The following ALDH1A2 variants were observed in gnomAD, a reference collection of about 807,000 sequenced individuals.
The protein encoded by ALDH1A2 is aldehyde dehydrogenase 1 family member A2, also known as retinal dehydrogenase 2.
Under a neutral mutation model 60.3 loss-of-function variants are expected in ALDH1A2, and 27 were observed. That is an observed-to-expected ratio of 0.45 (90% CI 0.33 to 0.62). ALDH1A2 has a LOEUF of 0.62. Among genes scored for constraint, ALDH1A2 ranks in the 20% least tolerant of loss-of-function variants. ALDH1A2 has a pLI of 0.02. For missense variants in ALDH1A2, 581 were observed against 643.8 expected (o/e 0.90, Z 1.06); for synonymous variants, 289 against 232.4 (o/e 1.24, Z -2.21).
chr15:57,958,620 G>A (rs2053425510), intron 12 of ALDH1A2, among the ~76,000 whole-genome samples: 1 of 152,182 alleles, frequency 6.6e-6, no homozygotes, highest in Admixed American at 6.5e-5. Context: ...GGAGGTGTCA[G>A]GGACCAAAGC....
chr15:58,048,932 A>AC (rs1256543850), intron 1 of ALDH1A2, among the ~76,000 whole-genome samples: 40 of 146,186 alleles, frequency 2.7e-4, no homozygotes, highest in African/African-American at 3.6e-4. Context: ...TCCCCACCCC[A>AC]CCCCACAAAT....
At position 58,028,497 on chromosome 15, in the gene ALDH1A2, C is replaced by T. The variant is rs529175948; in HGVS notation, c.118-14216G>A. On this transcript the variant is annotated intron_variant, in intron 1 of 12. Coordinates refer to ENST00000249750, the MANE Select transcript of ALDH1A2 (RefSeq NM_003888.4). ...GCTATGAAGAAACTGCATCAATTAACGGGCAAAATAACCAACTAACATCAT... is the reference window on the plus strand; with the variant it reads ...GCTATGAAGAAACTGCATCAATTAATGGGCAAAATAACCAACTAACATCAT... 1.4e-4 allele frequency among the ~76,000 whole-genome samples: 22 copies of T among 152,246 alleles called. No homozygotes were observed. In the South Asian group the frequency reaches 3.1e-3, roughly 22 times the overall value.
At chr15:57,965,670 A>C in intron 8 of ALDH1A2, 55 bp downstream of exon 8, 1 of 1,275,926 alleles carries the variant, frequency 7.8e-7, no homozygotes, top group Non-Finnish European at 1.1e-6. Context: ...GAGATATAAA[A>C]GAGAGCACCA....
intron 7 of ALDH1A2, among the ~76,000 whole-genome samples, chr15:57,967,157 C>G (rs1893923221): frequency 6.7e-6 from 1 of 149,328 alleles, no homozygotes; most frequent in African/African-American, 2.5e-5. Context: ...GGCTCTGGAG[C>G]CAGACTGCCT....
intron 1 of ALDH1A2, among the ~76,000 whole-genome samples, chr15:58,033,158 C>T (rs1896289656): frequency 6.6e-6 from 1 of 151,916 alleles, no homozygotes. Flanking sequence ...TGATGGACAC[C>T]TTTAATATCC....
chr15:57,963,890 G>C lies in ALDH1A2; in HGVS notation c.1081C>G (p.Pro361Ala). The C allele has an allele frequency of 1.2e-6, 2 of 1,614,098 alleles. No individual in the cohort carries two copies. Among genetic ancestry groups the C allele is most frequent in the Non-Finnish European group, 1.7e-6 (2 of 1,180,002 alleles). Residue 361 changes from proline (P) to alanine (A), a missense_variant, in exon 9 of 13, where the codon CCC becomes GCC. Pro to Ala is a conservative substitution (Grantham distance 27). Transcript: ENST00000249750. ...AATGGTTATGATTTTTCTACCTGGG[G>C]ACCCTGCTCAGTGGTGGGGTCAAAG... ...SPFDPTTEQG[P>A]QIDKKQYNKI... is the part of the protein sequence containing the mutation.
intron 1 of ALDH1A2, among the ~76,000 whole-genome samples, chr15:58,022,215 G>A (rs1259133635): frequency 1.3e-5 from 2 of 152,128 alleles, no homozygotes; most frequent in Non-Finnish European, 2.9e-5. Flanking sequence ...TCCCGAGACA[G>A]AGCACATAGA....
chr15:57,961,527 G>T (rs1274453390), intron 10 of ALDH1A2, among the ~76,000 whole-genome samples: 2 of 152,160 alleles, frequency 1.3e-5, no homozygotes, highest in Admixed American at 6.5e-5. Context: ...TGATTCCACT[G>T]TGTATACTAG....
rs899024785 is a variant in ALDH1A2, at chr15:58,019,585, A to G, written c.118-5304T>C. On this transcript the variant is annotated intron_variant, in intron 1 of 12. Coordinates refer to ENST00000249750, the MANE Select transcript of ALDH1A2 (RefSeq NM_003888.4). The stretch of plus-strand genomic sequence containing the variant: ...ATTCTGTGATGCTGTAACCGAAGGT[A>G]AAAAGAACAGATGGTCCATAAAAGA... Among the ~76,000 whole-genome samples the G allele has an allele frequency of 2.6e-5, 4 of 152,244 alleles. No homozygotes were observed. In the South Asian group the frequency reaches 6.2e-4, roughly 24 times the overall value.
chr15:58,023,569 T>C (rs1416357535), intron 1 of ALDH1A2, among the ~76,000 whole-genome samples: 4 of 144,416 alleles, frequency 2.8e-5, no homozygotes, highest in East Asian at 2.0e-4. Context: ...TAGTCACCTA[T>C]AAAGGAAACC....
intron 7 of ALDH1A2, chr15:57,990,149 T>C (rs1894845637): frequency 6.6e-6 from 1 of 152,202 alleles, no homozygotes. Context: ...ATTTTCAAAT[T>C]CTACAACAAA....
At chr15:57,973,959 T>TTC (rs145819696) in intron 7 of ALDH1A2, among the ~76,000 whole-genome samples, 54 of 150,876 alleles carry the variant, frequency 3.6e-4, no homozygotes, top group Middle Eastern at 3.4e-3. Context: ...AAATTCTCCC[T>TTC]TCTCTCTCTC....
chr15:57,979,162 G>A (rs1365511991), intron 7 of ALDH1A2, among the ~76,000 whole-genome samples: 5 of 152,184 alleles, frequency 3.3e-5, no homozygotes, highest in African/African-American at 1.2e-4. Context: ...CTGTTGGCCT[G>A]AGGGTCCTAG....
intron 1 of ALDH1A2, among the ~76,000 whole-genome samples, chr15:58,050,839 C>T (rs1425881066): frequency 2.0e-5 from 3 of 152,154 alleles, no homozygotes; most frequent in African/African-American, 7.2e-5. Context: ...GTTAATGTCT[C>T]AAACCACTAT....
chr15:58,052,178 A>G (rs1356151076), intron 1 of ALDH1A2, among the ~76,000 whole-genome samples: 2 of 152,128 alleles, frequency 1.3e-5, no homozygotes, highest in African/African-American at 2.4e-5. Context: ...TTTGGTAACC[A>G]TGAGTACATT....
chr15:58,064,992 A>G (rs1897137632), intron 1 of ALDH1A2, among the ~76,000 whole-genome samples: 1 of 152,266 alleles, frequency 6.6e-6, no homozygotes, highest in South Asian at 2.1e-4. Flanking sequence ...TACTGTACTT[A>G]TCAGTCAGGT....
Position 57,995,158 on chromosome 15 carries a change from G to A in ALDH1A2, c.494-19C>T. 2 of 1,553,580 alleles carry A rather than the reference G, an allele frequency of 1.3e-6. No individual in the cohort carries two copies. The highest frequency in any genetic ancestry group is 2.5e-5 in the East Asian group (1 of 39,960). ...TCTCCATCTGAAAGAAAAAAGCATG[G>A]TCACTCCCAGAAAGTTTAGATTAGG... On this transcript the variant is annotated intron_variant, in intron 4 of 12. Transcript: ENST00000249750.
At chr15:58,048,357 G>C (rs1208845227) in intron 1 of ALDH1A2, among the ~76,000 whole-genome samples, 1 of 152,048 alleles carries the variant, frequency 6.6e-6, no homozygotes, top group Non-Finnish European at 1.5e-5. Context: ...GACATTAACA[G>C]TTAGGTAGCC....
At chr15:57,996,790 A>G (rs992278143) in intron 4 of ALDH1A2, among the ~76,000 whole-genome samples, 1 of 151,808 alleles carries the variant, frequency 6.6e-6, no homozygotes, top group Admixed American at 6.6e-5. Flanking sequence ...ACAACACGCT[A>G]TTTTTCCTAC....
Sources: gnomAD v4.1 joint callset for allele counts (sites outside exome capture counted in the v4.1 genomes callset) on GRCh38, gnomAD v4.1.1 for gene constraint, MANE v1.5 for transcripts, NCBI Gene and HGNC (gene_info 2026-07-23, HGNC 2026-07-21) for gene names.